Variants in PROS1 observed in about 807,000 individuals in gnomAD.
PROS1 encodes the protein protein S, also known as vitamin K-dependent protein S.
In PROS1, 29 loss-of-function variants were observed where a neutral mutation model predicts 75.9. The observed-to-expected ratio is 0.38, with a 90% CI of 0.28 to 0.52. The LOEUF (loss-of-function observed/expected upper bound fraction) is 0.52. PROS1 is among the 20% of genes least tolerant of loss of function. The pLI is 0.83. For missense variants in PROS1, 680 were observed against 810.3 expected (o/e 0.84, Z 1.95); for synonymous variants, 245 against 280.6 (o/e 0.87, Z 1.27).
At chr3:93,899,336 C>A (rs576503869) in intron 7 of PROS1, among the ~76,000 whole-genome samples, 1 of 151,776 alleles carries the variant, frequency 6.6e-6, no homozygotes, top group East Asian at 1.9e-4. Flanking sequence ...TGCCCTATGA[C>A]CTTTAAAACT....
intron 7 of PROS1, 126 bp from the exon 8 acceptor site, chr3:93,898,695 A>G: frequency 9.5e-7 from 1 of 1,051,052 alleles, no homozygotes; most frequent in Non-Finnish European, 1.4e-6. Context: ...GGAAAGAAAT[A>G]CTATGACATC....
In PROS1 at chr3:93,918,911, T is replaced by G. The variant is rs78612676; in HGVS notation, c.259+5329A>C. Among the ~76,000 whole-genome samples the G allele has an allele frequency of 1.1e-4, 17 of 152,050 alleles. No individual in the cohort carries two copies. In the South Asian group the frequency reaches 3.3e-3, roughly 30 times the overall value. Reference sequence around the variant, plus strand: ...ATATATTTACAATTTCATTTCCATGTTTTTTTTCACGTGTGTAAATGGTTT... The same window carrying G: ...ATATATTTACAATTTCATTTCCATGGTTTTTTTCACGTGTGTAAATGGTTT... On this transcript the variant is annotated intron_variant, in intron 3 of 14. Coordinates refer to ENST00000394236, the MANE Select transcript of PROS1 (RefSeq NM_000313.4).
chr3:93,903,158 G>A (rs1378973252), intron 6 of PROS1, among the ~76,000 whole-genome samples: 1 of 152,100 alleles, frequency 6.6e-6, no homozygotes, highest in Non-Finnish European at 1.5e-5. Context: ...ATGAGCCACA[G>A]TGCCTGGCTG....
chr3:93,885,655 A>C (rs1040306742), intron 11 of PROS1, among the ~76,000 whole-genome samples: 5 of 152,238 alleles, frequency 3.3e-5, no homozygotes, highest in Non-Finnish European at 5.9e-5. Flanking sequence ...GACATGTAAT[A>C]ACCGTTTCAT....
At chr3:93,959,325 A>C (rs1709662764) in intron 1 of PROS1, among the ~76,000 whole-genome samples, 1 of 152,204 alleles carries the variant, frequency 6.6e-6, no homozygotes. Flanking sequence ...AAATAACAAC[A>C]ACCAAAAAAA....
intron 1 of PROS1, among the ~76,000 whole-genome samples, chr3:93,970,911 T>C (rs566596434): frequency 1.3e-5 from 2 of 152,234 alleles, no homozygotes; most frequent in African/African-American, 4.8e-5. Flanking sequence ...GATGGGAGGA[T>C]TCCTTGAGGC....
chr3:93,898,654 T>C (rs564789319), intron 7 of PROS1, 85 bp from the exon 8 acceptor site: 112 of 1,466,662 alleles, frequency 7.6e-5, no homozygotes, highest in Admixed American at 1.3e-4. Flanking sequence ...ATGATTGTAG[T>C]ATGATATAAT....
chr3:93,914,783 T>C (rs1708815433), intron 3 of PROS1, among the ~76,000 whole-genome samples: 1 of 152,210 alleles, frequency 6.6e-6, no homozygotes, highest in South Asian at 2.1e-4. Context: ...ACCCAAGCAG[T>C]GTACACTGTA....
chr3:93,924,817 C>T (rs1244258196), intron 2 of PROS1, among the ~76,000 whole-genome samples: 1 of 151,876 alleles, frequency 6.6e-6, no homozygotes, highest in Non-Finnish European at 1.5e-5. Flanking sequence ...TACATGCCAC[C>T]ATGCACAGCT....
At chr3:93,936,328 C>T (rs1709182719) in intron 1 of PROS1, among the ~76,000 whole-genome samples, 1 of 152,120 alleles carries the variant, frequency 6.6e-6, no homozygotes, top group Non-Finnish European at 1.5e-5. Flanking sequence ...ATTTGGGTGA[C>T]AGGATCATTT....
intron 2 of PROS1, among the ~76,000 whole-genome samples, chr3:93,924,749 C>T (rs1389544858): frequency 6.6e-6 from 1 of 151,204 alleles, no homozygotes; most frequent in East Asian, 1.9e-4. Context: ...TGCAGCCTTA[C>T]CCTCCTGGGC....
chr3:93,876,116 A>G (rs575979935), intron 14 of PROS1, among the ~76,000 whole-genome samples: 2 of 152,250 alleles, frequency 1.3e-5, no homozygotes, highest in South Asian at 4.1e-4. Context: ...CGATCTATTT[A>G]CTGTCCATCA....
At chr3:93,968,943 A>C (rs1011789501) in intron 1 of PROS1, among the ~76,000 whole-genome samples, 3 of 152,122 alleles carry the variant, frequency 2.0e-5, no homozygotes, top group Non-Finnish European at 4.4e-5. Flanking sequence ...GCTATGGTTC[A>C]TCTTATTGAG....
rs1464042953 is a variant in PROS1, at chr3:93,947,263, C to A, written c.77-19856G>T. ...TCAACCATTGTGGAAGACAGTGTGG[C>A]AATTTCTCAAGGATCTGGAATCAAC... On this transcript the variant is annotated intron_variant, in intron 1 of 14. Coordinates refer to ENST00000394236, the MANE Select transcript of PROS1 (RefSeq NM_000313.4). Among the ~76,000 whole-genome samples the A allele has an allele frequency of 2.0e-5, 3 of 152,160 alleles. No homozygotes were observed. In the East Asian group the frequency reaches 5.8e-4, roughly 29 times the overall value.
chr3:93,933,589 A>G (rs1709139116), intron 1 of PROS1, among the ~76,000 whole-genome samples: 1 of 151,608 alleles, frequency 6.6e-6, no homozygotes. Flanking sequence ...AAAAGAAAAA[A>G]AAAGCCTGAG....
At chr3:93,899,334 G>A (rs1304483433) in intron 7 of PROS1, among the ~76,000 whole-genome samples, 4 of 151,980 alleles carry the variant, frequency 2.6e-5, no homozygotes, top group Admixed American at 6.6e-5. Flanking sequence ...TATGCCCTAT[G>A]ACCTTTAAAA....
intron 6 of PROS1, among the ~76,000 whole-genome samples, chr3:93,905,049 G>T (rs537520202): frequency 7.9e-5 from 12 of 152,264 alleles, no homozygotes; most frequent in Non-Finnish European, 1.0e-4. Flanking sequence ...TTGGAAATCA[G>T]AAAAGTATTT....
chr3:93,880,917 C>T (rs1363761014), intron 12 of PROS1, among the ~76,000 whole-genome samples: 1 of 151,976 alleles, frequency 6.6e-6, no homozygotes, highest in Non-Finnish European at 1.5e-5. Context: ...CTAATTTAAT[C>T]CTCACCCCAT....
chr3:93,879,099 C>T lies in PROS1; in HGVS notation c.1644+64G>A, dbSNP rs1407627515. The stretch of plus-strand genomic sequence containing the variant: ...AAATAGTCCTTTGAGGTAAATACTG[C>T]TATGTATACATTTTAAAAAATGAAA... On this transcript the variant is annotated intron_variant, in intron 13 of 14. Coordinates refer to ENST00000394236, the MANE Select transcript of PROS1 (RefSeq NM_000313.4). 13 of 1,457,136 alleles carry T rather than the reference C, an allele frequency of 8.9e-6. No homozygotes were observed. In the Admixed American group the frequency reaches 2.0e-4, roughly 22 times the overall value. 90.3% of individuals were successfully genotyped at this position (1,457,136 alleles called of 1,614,324 possible).
Sources: allele counts gnomAD v4.1 joint callset (sites outside exome capture counted in the v4.1 genomes callset), GRCh38; gene constraint gnomAD v4.1.1; transcripts MANE v1.5; gene names NCBI Gene and HGNC (gene_info 2026-07-23, HGNC 2026-07-21).